Variants in PRKN observed in about 807,000 individuals in gnomAD.
PRKN encodes the protein parkin RBR E3 ubiquitin protein ligase, also known as E3 ubiquitin-protein ligase parkin.
A neutral mutation model predicts 59.5 loss-of-function variants in PRKN; 56 were observed. That is an observed-to-expected ratio of 0.94 (90% CI 0.76 to 1.18). The LOEUF (loss-of-function observed/expected upper bound fraction) is 1.18, where lower values mean the gene tolerates loss of function less well. Ranked by LOEUF, PRKN falls within the 50% of genes most tolerant of loss-of-function variation. The pLI is 0.00. For missense variants in PRKN, 657 were observed against 596.4 expected (o/e 1.10, Z -1.06); for synonymous variants, 250 against 222.1 (o/e 1.13, Z -1.12).
chr6:161,508,493 C>T (rs7746936), intron 9 of PRKN, among the ~76,000 whole-genome samples: 12,284 of 152,196 alleles, frequency 0.081, 714 homozygotes, highest in African/African-American at 0.16. Context: ...CTCCATTACA[C>T]ATGATGAAAA....
chr6:161,421,568 C>T (rs1562437060), intron 9 of PRKN, among the ~76,000 whole-genome samples: 2 of 152,072 alleles, frequency 1.3e-5, no homozygotes, highest in Admixed American at 6.6e-5. Context: ...GTAGCATTAA[C>T]GGGGGAATGG....
Position 161,623,766 on chromosome 6 carries a change from A to C in PRKN, c.872-54350T>G, listed in dbSNP as rs551978699. Among the ~76,000 whole-genome samples the C allele has an allele frequency of 1.2e-4, 19 of 152,342 alleles. No individual in the cohort carries two copies. The South Asian group carries it at 3.9e-3, about 32-fold the overall frequency. Reference sequence around the variant, plus strand: ...TTGCAGATGAGCCAAAAATGGGTAAAAAGGAAAGAATGAAGACATAAGTAA... The same window carrying C: ...TTGCAGATGAGCCAAAAATGGGTAACAAGGAAAGAATGAAGACATAAGTAA... On this transcript the variant is annotated intron_variant, in intron 7 of 11. Coordinates refer to ENST00000366898, the MANE Select transcript of PRKN (RefSeq NM_004562.3).
At chr6:162,263,886 A>G (rs1233504446) in intron 2 of PRKN, among the ~76,000 whole-genome samples, 1 of 132,494 alleles carries the variant, frequency 7.5e-6, no homozygotes, top group Non-Finnish European at 1.6e-5. Context: ...CGCCACCCCC[A>G]CCCCCCCAAC....
At chr6:161,770,171 C>T (rs1426681252) in intron 7 of PRKN, among the ~76,000 whole-genome samples, 1 of 152,106 alleles carries the variant, frequency 6.6e-6, no homozygotes, top group East Asian at 1.9e-4. Context: ...CGTTGAAGCT[C>T]AGGAAACCAG....
chr6:161,665,287 A>T (rs146468307), intron 7 of PRKN, among the ~76,000 whole-genome samples: 22 of 152,270 alleles, frequency 1.4e-4, no homozygotes, highest in African/African-American at 4.6e-4. Flanking sequence ...GGCCAACTCT[A>T]TATGTGGCCA....
At chr6:162,457,814 T>C (rs1790951479) in intron 1 of PRKN, among the ~76,000 whole-genome samples, 1 of 152,138 alleles carries the variant, frequency 6.6e-6, no homozygotes, top group Non-Finnish European at 1.5e-5. Flanking sequence ...TATTTCTCAG[T>C]TGCTTCAATC....
At chr6:161,763,867 A>G (rs984494382) in intron 7 of PRKN, among the ~76,000 whole-genome samples, 2 of 151,980 alleles carry the variant, frequency 1.3e-5, no homozygotes, top group Non-Finnish European at 2.9e-5. Context: ...CTTCCTCCAC[A>G]CGAGGCCCAT....
At chr6:162,688,813 A>C (rs1014881414) in intron 1 of PRKN, among the ~76,000 whole-genome samples, 1 of 152,196 alleles carries the variant, frequency 6.6e-6, no homozygotes, top group Non-Finnish European at 1.5e-5. Context: ...CAAGTTCTAT[A>C]AACAGGACTA....
intron 5 of PRKN, among the ~76,000 whole-genome samples, chr6:162,019,830 C>T (rs1783066590): frequency 6.6e-6 from 1 of 152,024 alleles, no homozygotes; most frequent in Admixed American, 6.6e-5. Context: ...ACCAGCCTGG[C>T]CAACATGGTG....
chr6:161,689,958 C>T (rs1350290710), intron 7 of PRKN, among the ~76,000 whole-genome samples: 5 of 152,080 alleles, frequency 3.3e-5, no homozygotes, highest in South Asian at 2.1e-4. Flanking sequence ...GATACACGCC[C>T]GCCTCGGCCT....
At position 162,566,015 on chromosome 6, in the gene PRKN, A is replaced by G. The variant is rs184208389; in HGVS notation, c.8-122542T>C. The stretch of plus-strand genomic sequence containing the variant: ...TCACTATATAATGATAAAGGGGTCA[A>G]TTCAGCAAGACGATATAAGAACTTT... On this transcript the variant is annotated intron_variant, in intron 1 of 11. Transcript: ENST00000366898. Among the ~76,000 whole-genome samples the G allele has an allele frequency of 1.7e-3, 259 of 152,292 alleles. 1 individual carries two copies. Among genetic ancestry groups the G allele is most frequent in the Non-Finnish European group, 3.1e-3 (211 of 68,018 alleles).
chr6:162,522,624 G>C (rs1193813529), intron 1 of PRKN, among the ~76,000 whole-genome samples: 4 of 152,190 alleles, frequency 2.6e-5, no homozygotes, highest in Non-Finnish European at 5.9e-5. Context: ...CACAAACCAT[G>C]ATGGGGCAGG....
rs190801589 is a variant in PRKN at position 161,962,693 on chromosome 6, T to C, written c.734+10609A>G. 5.2e-3 allele frequency among the ~76,000 whole-genome samples: 790 copies of C among 151,980 alleles called. 8 individuals are homozygous for C. Among genetic ancestry groups the C allele is most frequent in the African/African-American group, 0.018 (750 of 41,516 alleles). On this transcript the variant is annotated intron_variant, in intron 6 of 11. Transcript: ENST00000366898. ...CTGGGATTACAGGTGCACACCACCA[T>C]GCCTGGCTAATTTTTGTATTTTTAG...
intron 3 of PRKN, among the ~76,000 whole-genome samples, chr6:162,250,623 C>A (rs1235632457): frequency 6.6e-6 from 1 of 152,204 alleles, no homozygotes; most frequent in Non-Finnish European, 1.5e-5. Context: ...TCAACCCATT[C>A]ACTTTCATCT....
intron 7 of PRKN, among the ~76,000 whole-genome samples, chr6:161,764,631 T>C (rs973442681): frequency 1.3e-5 from 2 of 152,224 alleles, no homozygotes; most frequent in Middle Eastern, 3.2e-3. Flanking sequence ...TGCATTTCTA[T>C]GTGAAATAAA....
Position 161,391,428 on chromosome 6 carries a change from G to A in PRKN, c.1084-4551C>T, listed in dbSNP as rs1479474049. Among the ~76,000 whole-genome samples, 1 of 150,126 alleles carries A rather than the reference G, an allele frequency of 6.7e-6. No individual in the cohort carries two copies. Among genetic ancestry groups the A allele is most frequent in the Non-Finnish European group, 1.5e-5 (1 of 67,494 alleles). ...GATCTAACAAATGTGATCCATTTCC[G>A]TAGAGTTGTTTTTTTTTTTCGAGAA... is the stretch of plus-strand genomic sequence containing the variant. On this transcript the variant is annotated intron_variant, in intron 9 of 11. Coordinates refer to ENST00000366898, the MANE Select transcript of PRKN (RefSeq NM_004562.3). The surrounding 1 kb of genome is among the most constrained non-coding windows in gnomAD (Gnocchi z 4.9).
intron 5 of PRKN, among the ~76,000 whole-genome samples, chr6:162,019,416 C>T (rs537281679): frequency 3.1e-4 from 47 of 152,238 alleles, no homozygotes; most frequent in East Asian, 5.8e-4. Context: ...TGGCATGCCT[C>T]GGTGCACCCT....
chr6:161,886,877 T>C (rs1795175260), intron 6 of PRKN, among the ~76,000 whole-genome samples: 1 of 152,062 alleles, frequency 6.6e-6, no homozygotes, highest in Admixed American at 6.6e-5. Flanking sequence ...TTAGGGAAAT[T>C]TTCTCCGTAT....
chr6:162,414,791 G>A (rs1788544052), intron 2 of PRKN, among the ~76,000 whole-genome samples: 1 of 148,578 alleles, frequency 6.7e-6, no homozygotes, highest in South Asian at 2.1e-4. Context: ...AGAATGGAAA[G>A]TGTAAAGATG....
Sources: gnomAD v4.1 joint callset for allele counts (sites outside exome capture counted in the v4.1 genomes callset) on GRCh38, gnomAD v4.1.1 for gene constraint, Gnocchi (gnomAD v3.1) non-coding constraint, MANE v1.5 for transcripts, NCBI Gene and HGNC (gene_info 2026-07-23, HGNC 2026-07-21) for gene names.